The following HS3ST4 variants were observed in gnomAD, a reference collection of about 807,000 sequenced individuals.
The protein encoded by HS3ST4 is heparan sulfate-glucosamine 3-sulfotransferase 4.
In HS3ST4, 17 loss-of-function variants were observed where a neutral mutation model predicts 29.2. The ratio of observed to expected loss-of-function variants is 0.58; its 90% CI spans 0.40 to 0.87. HS3ST4 has a LOEUF of 0.87. Ranked by LOEUF, HS3ST4 falls within the 40% of genes least tolerant of loss-of-function variation. HS3ST4 has a pLI of 0.00. For synonymous variants in HS3ST4, 314 were observed against 285.7 expected (o/e 1.10, Z -1.00); for missense variants, 627 against 634.5 (o/e 0.99, Z 0.13).
intron 1 of HS3ST4, among the ~76,000 whole-genome samples, chr16:25,957,287 C>T (rs1292780664): frequency 1.3e-5 from 2 of 152,236 alleles, no homozygotes; most frequent in African/African-American, 4.8e-5. Flanking sequence ...TGCCTCTTCT[C>T]TGGCAAAGGC....
intron 1 of HS3ST4, among the ~76,000 whole-genome samples, chr16:25,733,028 G>A (rs994107974): frequency 6.6e-6 from 1 of 152,166 alleles, no homozygotes; most frequent in Non-Finnish European, 1.5e-5. Flanking sequence ...TTTATGGGTT[G>A]GAGGTGCCTT....
At chr16:25,854,427 T>C (rs1967553190) in intron 1 of HS3ST4, among the ~76,000 whole-genome samples, 1 of 152,212 alleles carries the variant, frequency 6.6e-6, no homozygotes, top group Non-Finnish European at 1.5e-5. Flanking sequence ...CCGAGGTCAC[T>C]TTCATCACCA....
intron 1 of HS3ST4, among the ~76,000 whole-genome samples, chr16:25,792,270 G>A (rs959237296): frequency 1.3e-5 from 2 of 151,740 alleles, no homozygotes; most frequent in African/African-American, 4.8e-5. Context: ...TCTTGTACCA[G>A]TCATGTCAAG....
intron 1 of HS3ST4, among the ~76,000 whole-genome samples, chr16:25,995,627 A>G (rs141214504): frequency 6.6e-6 from 1 of 152,310 alleles, no homozygotes; most frequent in African/African-American, 2.4e-5. Flanking sequence ...TGAATGCACA[A>G]GAACTGTGAA....
chr16:26,018,452 C>T (rs1969381448), intron 1 of HS3ST4, among the ~76,000 whole-genome samples: 1 of 152,132 alleles, frequency 6.6e-6, no homozygotes, highest in Non-Finnish European at 1.5e-5. Context: ...TTTTTCTCGG[C>T]ATTTACTGTG....
In HS3ST4 at chr16:25,692,730, A is replaced by G. The variant is rs2141576731; in HGVS notation, c.313A>G (p.Asn105Asp). Residue 105 changes from asparagine to aspartate, a missense_variant, in exon 1 of 2, where the codon AAC becomes GAC. Around this residue, in one of 2 missense-constraint regions of HS3ST4, gnomAD observed 402 missense variants for 340.8 expected, o/e 1.18. Coordinates refer to ENST00000331351, the MANE Select transcript of HS3ST4 (RefSeq NM_006040.3). ...GCCGCCCGCGCCGCCGCCGCTGGAC[A>G]ACGCGAGCCACGGGGAGCCGCCCGA... ...SQPPAPPPLD[N>D]ASHGEPPEPP... 1.6e-6 allele frequency: 2 copies of G among 1,272,730 alleles called. No individual in the cohort carries two copies. The highest frequency in any genetic ancestry group is 3.6e-5 in the Admixed American group (1 of 28,044). 78.8% of individuals were successfully genotyped at this position (1,272,730 alleles called of 1,614,324 possible). A position where few individuals can be genotyped will look rare whatever the true frequency, so the allele number is the denominator to read the frequency against.
chr16:26,081,674 A>C (rs756834580), intron 1 of HS3ST4, among the ~76,000 whole-genome samples: 104 of 152,126 alleles, frequency 6.8e-4, no homozygotes, highest in Admixed American at 2.3e-3. Flanking sequence ...AAGAAATAAG[A>C]ATGTTTTAGT....
chr16:26,021,268 T>G (rs1969411368), intron 1 of HS3ST4, among the ~76,000 whole-genome samples: 1 of 152,220 alleles, frequency 6.6e-6, no homozygotes, highest in South Asian at 2.1e-4. Context: ...CATGTCTGAT[T>G]TTCATCTTCC....
chr16:25,938,252 A>G lies in HS3ST4; in HGVS notation c.735-197360A>G, dbSNP rs1279086860. Reference sequence around the variant, plus strand: ...ATAATTCTGGACACACAGGAGGCCCAGGAAAGCTCTCCGGAACAGCTGGGA... The same window carrying G: ...ATAATTCTGGACACACAGGAGGCCCGGGAAAGCTCTCCGGAACAGCTGGGA... On this transcript the variant is annotated intron_variant, in intron 1 of 1. Transcript: ENST00000331351. 3.3e-5 allele frequency among the ~76,000 whole-genome samples: 5 copies of G among 152,238 alleles called. No individual in the cohort carries two copies. In the East Asian group the frequency reaches 9.6e-4, roughly 29 times the overall value.
Position 25,716,967 on chromosome 16 carries a change from T to G in HS3ST4, c.734+23816T>G, listed in dbSNP as rs964842802. On this transcript the variant is annotated intron_variant, in intron 1 of 1. Transcript: ENST00000331351. ...TACTCGGGAGGCTGAGGCAGGAGAA[T>G]CACTTGAACCTGGGAGGTGGAGGTC... is the stretch of plus-strand genomic sequence containing the variant. 6.6e-5 allele frequency among the ~76,000 whole-genome samples: 10 copies of G among 151,936 alleles called. No homozygotes were observed. The South Asian group carries it at 2.1e-3, about 32-fold the overall frequency.
chr16:25,755,394 C>A (rs1567233426), intron 1 of HS3ST4, among the ~76,000 whole-genome samples: 1 of 152,042 alleles, frequency 6.6e-6, no homozygotes, highest in Non-Finnish European at 1.5e-5. Flanking sequence ...GGAGTATTTC[C>A]AGATAGAAAA....
At chr16:26,031,392 A>G (rs1347024395) in intron 1 of HS3ST4, among the ~76,000 whole-genome samples, 2 of 152,266 alleles carry the variant, frequency 1.3e-5, no homozygotes, top group Non-Finnish European at 2.9e-5. Flanking sequence ...AATCTGACTC[A>G]TTTCTATTGG....
At chr16:26,042,861 T>A (rs1399833528) in intron 1 of HS3ST4, among the ~76,000 whole-genome samples, 1 of 152,176 alleles carries the variant, frequency 6.6e-6, no homozygotes, top group Non-Finnish European at 1.5e-5. Flanking sequence ...CAAATCAATA[T>A]TTAGAGTGGT....
At chr16:25,922,854 T>G (rs1968366889) in intron 1 of HS3ST4, among the ~76,000 whole-genome samples, 1 of 152,246 alleles carries the variant, frequency 6.6e-6, no homozygotes, top group Admixed American at 6.5e-5. Flanking sequence ...TCCATCAACC[T>G]TTAAGAACCG....
chr16:25,757,877 C>CA (rs1966766918), intron 1 of HS3ST4, among the ~76,000 whole-genome samples: 3 of 152,198 alleles, frequency 2.0e-5, no homozygotes, highest in Non-Finnish European at 4.4e-5. Flanking sequence ...GCACCTGGCA[C>CA]ATTGAAGAAT....
intron 1 of HS3ST4, among the ~76,000 whole-genome samples, chr16:26,044,895 C>T (rs1898246846): frequency 6.6e-6 from 1 of 152,134 alleles, no homozygotes; most frequent in African/African-American, 2.4e-5. Flanking sequence ...GTCACCGGCA[C>T]CAGAGTGGCA....
chr16:26,040,042 A>G (rs1307812758), intron 1 of HS3ST4, among the ~76,000 whole-genome samples: 1 of 152,228 alleles, frequency 6.6e-6, no homozygotes, highest in Non-Finnish European at 1.5e-5. Flanking sequence ...ATTTTAATCT[A>G]CCAATTTGCC....
intron 1 of HS3ST4, among the ~76,000 whole-genome samples, chr16:26,034,436 G>C (rs1969564246): frequency 6.6e-6 from 1 of 152,140 alleles, no homozygotes; most frequent in Admixed American, 6.5e-5. Flanking sequence ...GGCCTGATAG[G>C]GTGCAAGTCA....
chr16:25,718,503 A>C (rs568618062), intron 1 of HS3ST4, among the ~76,000 whole-genome samples: 310 of 12,392 alleles, frequency 0.025, 2 homozygotes, highest in Admixed American at 0.08. Flanking sequence ...CAGAAATGGG[A>C]GAGAGAGAGA....
Sources: gnomAD v4.1 joint callset for allele counts (sites outside exome capture counted in the v4.1 genomes callset) on GRCh38, gnomAD v4.1.1 for gene constraint, gnomAD v4.1.1 regional missense constraint, MANE v1.5 for transcripts, NCBI Gene and HGNC (gene_info 2026-07-23, HGNC 2026-07-21) for gene names.